The following KCNIP4 variants were observed in gnomAD, a reference collection of about 807,000 sequenced individuals.
The protein encoded by KCNIP4 is Kv channel-interacting protein 4.
KCNIP4 carries 12 observed loss-of-function variants against 34.0 expected under a neutral mutation model. That is an observed-to-expected ratio of 0.35 (90% CI 0.23 to 0.57). The LOEUF is 0.57. Ranked by LOEUF, KCNIP4 falls within the 20% of genes least tolerant of loss-of-function variation. The pLI, the probability that KCNIP4 is intolerant of heterozygous loss-of-function variation, is 0.83. For missense variants in KCNIP4, 238 were observed against 311.7 expected, an observed-to-expected ratio of 0.76 and a Z score of 1.78; for synonymous variants, 124 against 102.2, an observed-to-expected ratio of 1.21 and a Z score of -1.29.
intron 1 of KCNIP4, among the ~76,000 whole-genome samples, chr4:21,357,782 C>T (rs537488515): frequency 6.6e-6 from 1 of 152,248 alleles, no homozygotes; most frequent in East Asian, 1.9e-4. Flanking sequence ...GGATAAAGAA[C>T]TAGAAATACC....
chr4:20,875,282 T>G (rs28625096), intron 2 of KCNIP4, among the ~76,000 whole-genome samples: 2 of 152,030 alleles, frequency 1.3e-5, no homozygotes, highest in African/African-American at 4.8e-5. Context: ...GCAGCTCCAC[T>G]GCTGTGTTCA....
At chr4:21,638,353 T>C (rs984060188) in intron 1 of KCNIP4, among the ~76,000 whole-genome samples, 6 of 152,212 alleles carry the variant, frequency 3.9e-5, no homozygotes, top group Non-Finnish European at 8.8e-5. Context: ...ATGCACAGTC[T>C]AGGTTCAAAG....
intron 1 of KCNIP4, among the ~76,000 whole-genome samples, chr4:21,480,582 T>C (rs1731336742): frequency 1.3e-5 from 2 of 152,148 alleles, no homozygotes; most frequent in Non-Finnish European, 2.9e-5. Context: ...GACAGTTGAA[T>C]AAAGTGGTAA....
At chr4:21,286,454 A>G (rs1383502711) in intron 1 of KCNIP4, among the ~76,000 whole-genome samples, 1 of 152,232 alleles carries the variant, frequency 6.6e-6, no homozygotes, top group Non-Finnish European at 1.5e-5. Flanking sequence ...TTTGGGGTAA[A>G]GGCAAGTATG....
At chr4:21,217,806 G>A (rs895922064) in intron 1 of KCNIP4, among the ~76,000 whole-genome samples, 1 of 152,012 alleles carries the variant, frequency 6.6e-6, no homozygotes, top group African/African-American at 2.4e-5. Context: ...GAGCCAATGT[G>A]GTGTACATCT....
chr4:21,377,788 G>T (rs1721098510), intron 1 of KCNIP4, among the ~76,000 whole-genome samples: 1 of 152,188 alleles, frequency 6.6e-6, no homozygotes, highest in African/African-American at 2.4e-5. Flanking sequence ...ACATATTATA[G>T]TTCCTCTGGT....
At chr4:21,639,456 T>G (rs776124935) in intron 1 of KCNIP4, among the ~76,000 whole-genome samples, 4 of 152,194 alleles carry the variant, frequency 2.6e-5, no homozygotes, top group African/African-American at 4.8e-5. Flanking sequence ...TTAAAGAGAA[T>G]TATTTAATTA....
At chr4:21,544,297 A>G (rs184104207) in intron 1 of KCNIP4, 1 of 152,106 alleles carries the variant, frequency 6.6e-6, no homozygotes, top group Non-Finnish European at 1.5e-5. Context: ...CACATACATA[A>G]AAAATTTAAG....
intron 1 of KCNIP4, among the ~76,000 whole-genome samples, chr4:21,923,304 A>C (rs1183776394): frequency 6.6e-6 from 1 of 152,188 alleles, no homozygotes; most frequent in African/African-American, 2.4e-5. Context: ...TTCTTATGCC[A>C]AGTATGGTGG....
chr4:21,044,144 C>A (rs1310534001), intron 1 of KCNIP4, among the ~76,000 whole-genome samples: 2 of 152,102 alleles, frequency 1.3e-5, no homozygotes, highest in African/African-American at 4.8e-5. Flanking sequence ...GGGGCAGTTT[C>A]CAGCTTTGTA....
intron 1 of KCNIP4, among the ~76,000 whole-genome samples, chr4:21,878,364 C>T (rs1367756863): frequency 6.6e-6 from 1 of 152,226 alleles, no homozygotes; most frequent in Admixed American, 6.5e-5. Flanking sequence ...GCATGAGCCA[C>T]AGTACCCGGC....
intron 1 of KCNIP4, among the ~76,000 whole-genome samples, chr4:21,270,985 CCA>C (rs1491190348): frequency 0.033 from 4,395 of 132,306 alleles, 292 homozygotes; most frequent in African/African-American, 0.12. Flanking sequence ...GTCCCTGTCC[CCA>C]AAAAAAAAAA....
At chr4:21,023,768 G>T (rs1418133620) in intron 1 of KCNIP4, among the ~76,000 whole-genome samples, 2 of 152,100 alleles carry the variant, frequency 1.3e-5, no homozygotes, top group African/African-American at 4.8e-5. Flanking sequence ...TGTAGGTCTA[G>T]CTACTCAGGA....
intron 1 of KCNIP4, among the ~76,000 whole-genome samples, chr4:20,884,341 G>A (rs1725045428): frequency 6.6e-6 from 1 of 152,160 alleles, no homozygotes; most frequent in Non-Finnish European, 1.5e-5. Context: ...AGCTCCGCAT[G>A]TATGTGTAGA....
chr4:21,225,654 T>C (rs1294712801), intron 1 of KCNIP4, among the ~76,000 whole-genome samples: 1 of 152,160 alleles, frequency 6.6e-6, no homozygotes, highest in African/African-American at 2.4e-5. Flanking sequence ...CTGGGTGCAG[T>C]AACATGAGCA....
chr4:20,772,149 A>ATT, intron 3 of KCNIP4, among the ~76,000 whole-genome samples: 1 of 152,286 alleles, frequency 6.6e-6, no homozygotes, highest in South Asian at 2.1e-4. Context: ...TGGGACTGGG[A>ATT]TTTGAACTTG....
intron 1 of KCNIP4, among the ~76,000 whole-genome samples, chr4:21,210,873 A>G (rs1757175850): frequency 6.6e-6 from 1 of 152,210 alleles, no homozygotes; most frequent in African/African-American, 2.4e-5. Context: ...AATGCAAAAA[A>G]AGATTAAAAT....
At chr4:21,873,769 A>T (rs1273307980) in intron 1 of KCNIP4, among the ~76,000 whole-genome samples, 1 of 152,234 alleles carries the variant, frequency 6.6e-6, no homozygotes, top group Admixed American at 6.5e-5. Context: ...AAACAGATCA[A>T]TAGGAAGTTT....
At chr4:21,941,489 G>T (rs1187021394) in intron 1 of KCNIP4, among the ~76,000 whole-genome samples, 1 of 135,956 alleles carries the variant, frequency 7.4e-6, no homozygotes, top group African/African-American at 2.5e-5. Flanking sequence ...TTGTAGTAAA[G>T]ACCTATTAAA....
Sources: gnomAD v4.1 joint callset for allele counts (sites outside exome capture counted in the v4.1 genomes callset) on GRCh38, gnomAD v4.1.1 for gene constraint, MANE v1.5 for transcripts, NCBI Gene and HGNC (gene_info 2026-07-23, HGNC 2026-07-21) for gene names.